The following CAP2 variants were observed in gnomAD, a reference collection of about 807,000 sequenced individuals.
CAP2 encodes cyclase associated actin cytoskeleton regulatory protein 2, also known as adenylyl cyclase-associated protein 2.
CAP2 carries 24 observed loss-of-function variants against 57.7 expected under a neutral mutation model. That is an observed-to-expected ratio of 0.42 (90% CI 0.30 to 0.58). The LOEUF is 0.58. Ranked by LOEUF, CAP2 falls within the 20% of genes least tolerant of loss-of-function variation. The pLI, the probability that CAP2 is intolerant of heterozygous loss-of-function variation, is 0.22. For synonymous variants in CAP2, 194 were observed against 207.2 expected (o/e 0.94, Z 0.55); for missense variants, 501 against 590.3 (o/e 0.85, Z 1.57).
chr6:17,536,255 G>C, intron 7 of CAP2: 1 of 456,736 alleles, frequency 2.2e-6, no homozygotes, highest in Non-Finnish European at 4.4e-6. Context: ...AGAGACGGAG[G>C]CAAAGATAAG....
intron 1 of CAP2, among the ~76,000 whole-genome samples, chr6:17,409,112 C>G (rs1344504897): frequency 2.0e-5 from 3 of 146,988 alleles, no homozygotes; most frequent in Admixed American, 1.4e-4. Context: ...TGGCTCACGC[C>G]TGTAATCCCA....
chr6:17,417,961 G>C (rs1223032681), intron 1 of CAP2, among the ~76,000 whole-genome samples: 1 of 152,134 alleles, frequency 6.6e-6, no homozygotes, highest in Admixed American at 6.5e-5. Context: ...ACTACCCTAT[G>C]AGTTTCCTCA....
intron 1 of CAP2, among the ~76,000 whole-genome samples, chr6:17,398,700 A>G (rs537621868): frequency 3.4e-4 from 51 of 151,546 alleles, no homozygotes; most frequent in African/African-American, 1.2e-3. Flanking sequence ...AATTTTTTGT[A>G]TTTTTAGTAG....
chr6:17,461,658 G>C (rs1339475111), intron 3 of CAP2, among the ~76,000 whole-genome samples: 3 of 151,920 alleles, frequency 2.0e-5, no homozygotes, highest in South Asian at 2.1e-4. Flanking sequence ...GGGTGATCTG[G>C]ATATTTTTTC....
chr6:17,400,857 T>G (rs190790556), intron 1 of CAP2, among the ~76,000 whole-genome samples: 41 of 126,442 alleles, frequency 3.2e-4, no homozygotes, highest in African/African-American at 1.4e-3. Context: ...AGAGTGAGAC[T>G]CCGTCTCAAA....
chr6:17,447,617 GC>G (rs1449865319), intron 3 of CAP2, among the ~76,000 whole-genome samples: 1 of 152,220 alleles, frequency 6.6e-6, no homozygotes, highest in East Asian at 1.9e-4. Context: ...TCCTGCCCCA[GC>G]CTCCGGCGTA....
chr6:17,511,074 A>C (rs1762134497), intron 6 of CAP2, among the ~76,000 whole-genome samples: 1 of 152,212 alleles, frequency 6.6e-6, no homozygotes, highest in Admixed American at 6.5e-5. Flanking sequence ...CAGTAGTACC[A>C]AAGATGACTC....
chr6:17,461,865 C>T (rs534757045), intron 3 of CAP2, among the ~76,000 whole-genome samples: 312 of 150,770 alleles, frequency 2.1e-3, no homozygotes, highest in Non-Finnish European at 2.3e-3. Context: ...TGGTGGCGGG[C>T]GCCTGTAGTC....
chr6:17,411,354 C>T (rs9477420), intron 1 of CAP2, among the ~76,000 whole-genome samples: 60,403 of 152,094 alleles, frequency 0.4, 13,306 homozygotes, highest in African/African-American at 0.59. Flanking sequence ...TGCTTAACTT[C>T]TGAAGAAACT....
intron 2 of CAP2, among the ~76,000 whole-genome samples, chr6:17,423,169 T>C (rs1759491540): frequency 6.6e-6 from 1 of 152,212 alleles, no homozygotes; most frequent in African/African-American, 2.4e-5. Flanking sequence ...AAGACCTACA[T>C]TGGTGCTTCT....
intron 4 of CAP2, among the ~76,000 whole-genome samples, chr6:17,482,224 G>GA (rs1407387834): frequency 6.6e-6 from 1 of 152,124 alleles, no homozygotes; most frequent in African/African-American, 2.4e-5. Context: ...CATAGTTCTG[G>GA]AGGTTAGAAG....
intron 4 of CAP2, among the ~76,000 whole-genome samples, chr6:17,486,931 G>A (rs1037281086): frequency 6.6e-6 from 1 of 152,202 alleles, no homozygotes; most frequent in African/African-American, 2.4e-5. Context: ...AGAGGACTCA[G>A]CTGTGTCTTT....
intron 3 of CAP2, among the ~76,000 whole-genome samples, chr6:17,446,048 T>A (rs780018246): frequency 5.3e-5 from 8 of 152,376 alleles, no homozygotes; most frequent in South Asian, 4.1e-4. Flanking sequence ...TCAGTTTTTT[T>A]AATTTCATTT....
chr6:17,527,597 C>CTTT (rs10668941), intron 7 of CAP2, among the ~76,000 whole-genome samples: 5,033 of 131,134 alleles, frequency 0.038, 344 homozygotes, highest in East Asian at 0.12. Context: ...TGTTCTCTTT[C>CTTT]TTTTTTTTTT....
chr6:17,476,656 TG>T, intron 4 of CAP2, among the ~76,000 whole-genome samples: 1 of 152,270 alleles, frequency 6.6e-6, no homozygotes, highest in East Asian at 1.9e-4. Context: ...TTCTTTGTTC[TG>T]CCATCTCCCA....
chr6:17,503,604 CAAAAA>C (rs763364878), intron 4 of CAP2, among the ~76,000 whole-genome samples: 4 of 73,356 alleles, frequency 5.5e-5, no homozygotes, highest in Non-Finnish European at 1.1e-4. Context: ...AACTCTATCT[CAAAAA>C]AAAAAAAAAA....
chr6:17,487,760 C>T (rs553592933), intron 4 of CAP2, among the ~76,000 whole-genome samples: 7 of 152,006 alleles, frequency 4.6e-5, no homozygotes, highest in Non-Finnish European at 7.4e-5. Flanking sequence ...CATGAGCCAC[C>T]GCACCTGGCC....
In CAP2 at chr6:17,539,392, G is replaced by A. The variant is rs768638271; in HGVS notation, c.760G>A (p.Glu254Lys). 2 of 1,614,202 alleles carry A rather than the reference G, an allele frequency of 1.2e-6. No homozygotes were observed. Among genetic ancestry groups the A allele is most frequent in the East Asian group, 2.2e-5 (1 of 44,886 alleles). The change falls in exon 8 of 13, where the codon GAG becomes AAG. Residue 254 changes from glutamate (E) to lysine (K), a missense_variant. Physicochemically the swap from Glu to Lys is moderately conservative, Grantham distance 56. Transcript: ENST00000229922. ...PPLFENEGKK[E>K]ESSPSRSALF... The stretch of plus-strand genomic sequence containing the variant: ...ACTTTTCGAGAATGAAGGCAAAAAA[G>A]AGGAATCTTCTCCTTCACGCTCAGC...
chr6:17,520,638 G>A (rs1762369918), intron 7 of CAP2, among the ~76,000 whole-genome samples: 2 of 152,154 alleles, frequency 1.3e-5, no homozygotes, highest in Non-Finnish European at 2.9e-5. Flanking sequence ...AAGGCCAAAT[G>A]TCTGTTAACA....
Sources: gnomAD v4.1 joint callset for allele counts (sites outside exome capture counted in the v4.1 genomes callset) on GRCh38, gnomAD v4.1.1 for gene constraint, MANE v1.5 for transcripts, NCBI Gene and HGNC (gene_info 2026-07-23, HGNC 2026-07-21) for gene names.